Variants in SPAG16 observed in about 807,000 individuals in gnomAD.
SPAG16 encodes sperm-associated antigen 16 protein.
In SPAG16, 86 loss-of-function variants were observed where a neutral mutation model predicts 80.4. The ratio of observed to expected loss-of-function variants is 1.07; its 90% confidence interval spans 0.90 to 1.28. The LOEUF is 1.28. Ranked by LOEUF, SPAG16 falls within the 50% of genes most tolerant of loss-of-function variation. The pLI, the probability that SPAG16 is intolerant of heterozygous loss-of-function variation, is 0.00. For synonymous variants in SPAG16, 294 were observed against 265.9 expected (o/e 1.11, Z -1.03); for missense variants, 870 against 765.3 (o/e 1.14, Z -1.61).
At chr2:213,637,656 CTAGTT>C (rs2062417886) in intron 10 of SPAG16, among the ~76,000 whole-genome samples, 2 of 151,860 alleles carry the variant, frequency 1.3e-5, no homozygotes, top group African/African-American at 4.8e-5. Context: ...CTTTTTTTTC[CTAGTT>C]TAATCTAGGA....
intron 15 of SPAG16, among the ~76,000 whole-genome samples, chr2:214,406,071 C>T (rs1046918577): frequency 1.3e-4 from 20 of 152,136 alleles, no homozygotes; most frequent in Middle Eastern, 3.4e-3. Context: ...AAGCAACAAG[C>T]ACATATTAAG....
chr2:213,949,530 A>C (rs1055478911), intron 12 of SPAG16, among the ~76,000 whole-genome samples: 1 of 152,288 alleles, frequency 6.6e-6, no homozygotes, highest in Admixed American at 6.5e-5. Context: ...TAATGAATTA[A>C]AAACATTTTG....
At chr2:214,009,458 T>C (rs1260076852) in intron 12 of SPAG16, among the ~76,000 whole-genome samples, 2 of 152,220 alleles carry the variant, frequency 1.3e-5, no homozygotes, top group Non-Finnish European at 2.9e-5. Context: ...TTACTTTAGA[T>C]AATGTGTGTA....
intron 10 of SPAG16, among the ~76,000 whole-genome samples, chr2:213,780,666 T>G (rs960683997): frequency 4.0e-5 from 6 of 150,598 alleles, no homozygotes; most frequent in African/African-American, 1.5e-4. Context: ...AGGGAAAGCA[T>G]TTAGCTCTTT....
At chr2:214,153,814 G>A (rs1231142355) in intron 15 of SPAG16, among the ~76,000 whole-genome samples, 2 of 151,894 alleles carry the variant, frequency 1.3e-5, no homozygotes, top group East Asian at 3.9e-4. Flanking sequence ...AAACATATAG[G>A]AATCACCCCC....
At chr2:213,809,448 T>G (rs1298777008) in intron 10 of SPAG16, among the ~76,000 whole-genome samples, 1 of 152,200 alleles carries the variant, frequency 6.6e-6, no homozygotes, top group African/African-American at 2.4e-5. Flanking sequence ...CATTTTTAGA[T>G]ATTTCTGCTA....
chr2:213,329,106 T>C (rs1235316169), intron 5 of SPAG16, among the ~76,000 whole-genome samples: 1 of 152,156 alleles, frequency 6.6e-6, no homozygotes, highest in African/African-American at 2.4e-5. Flanking sequence ...ATTAAACCTC[T>C]TTTTCTTCCC....
chr2:214,051,617 T>A (rs1397355), intron 13 of SPAG16, among the ~76,000 whole-genome samples: 2 of 152,116 alleles, frequency 1.3e-5, no homozygotes, highest in African/African-American at 2.4e-5. Flanking sequence ...GCCTTTTCTA[T>A]TTATACTTAC....
At chr2:214,151,790 G>T (rs373533270) in intron 15 of SPAG16, among the ~76,000 whole-genome samples, 2 of 152,090 alleles carry the variant, frequency 1.3e-5, no homozygotes, top group Non-Finnish European at 2.9e-5. Context: ...TGCTGTCTCC[G>T]CTGTGCTCTT....
intron 6 of SPAG16, among the ~76,000 whole-genome samples, chr2:213,344,384 C>CTT (rs894934902): frequency 1.4e-5 from 2 of 147,684 alleles, no homozygotes; most frequent in East Asian, 4.0e-4. Flanking sequence ...GAGTTTTTTT[C>CTT]TTTTTTTTTT....
At chr2:214,167,841 C>T (rs1576399421) in intron 15 of SPAG16, among the ~76,000 whole-genome samples, 1 of 150,458 alleles carries the variant, frequency 6.6e-6, no homozygotes, top group African/African-American at 2.4e-5. Flanking sequence ...TGTACAGGGA[C>T]AGTAGAACAG....
chr2:213,671,785 G>A (rs937550216), intron 10 of SPAG16, among the ~76,000 whole-genome samples: 2 of 150,488 alleles, frequency 1.3e-5, no homozygotes, highest in Admixed American at 6.6e-5. Context: ...AGCAGGGCAC[G>A]TTCATTCAGA....
intron 11 of SPAG16, among the ~76,000 whole-genome samples, chr2:213,878,267 A>G (rs1323520195): frequency 6.6e-6 from 1 of 152,088 alleles, no homozygotes; most frequent in African/African-American, 2.4e-5. Context: ...TTGTTTTCCA[A>G]AGAGGTTGGA....
intron 13 of SPAG16, among the ~76,000 whole-genome samples, chr2:214,099,185 G>A (rs978427441): frequency 6.6e-6 from 1 of 152,090 alleles, no homozygotes; most frequent in South Asian, 2.1e-4. Flanking sequence ...AGCATGGATA[G>A]AGAACACTGA....
chr2:213,866,861 C>G (rs1392532884), intron 11 of SPAG16, among the ~76,000 whole-genome samples: 10 of 152,062 alleles, frequency 6.6e-5, no homozygotes, highest in African/African-American at 1.9e-4. Flanking sequence ...ATAATGACTA[C>G]TTTTTGTTGA....
At chr2:214,229,728 C>T (rs910056481) in intron 15 of SPAG16, among the ~76,000 whole-genome samples, 1 of 151,686 alleles carries the variant, frequency 6.6e-6, no homozygotes, top group African/African-American at 2.4e-5. Context: ...AAAAAGGTGA[C>T]TTGATGCCCC....
At chr2:214,271,054 G>C (rs1559170287) in intron 15 of SPAG16, among the ~76,000 whole-genome samples, 1 of 152,164 alleles carries the variant, frequency 6.6e-6, no homozygotes, top group Non-Finnish European at 1.5e-5. Context: ...GAAAAACTGT[G>C]ACTTTTGAGA....
intron 10 of SPAG16, among the ~76,000 whole-genome samples, chr2:213,705,296 G>GAGGA (rs955304218): frequency 4.0e-4 from 61 of 151,482 alleles, no homozygotes; most frequent in East Asian, 2.0e-3. Context: ...GGGAGGGAGG[G>GAGGA]AGGAAGGAAG....
At chr2:214,387,276 G>A (rs1033114864) in intron 15 of SPAG16, among the ~76,000 whole-genome samples, 24 of 151,994 alleles carry the variant, frequency 1.6e-4, no homozygotes, top group African/African-American at 5.3e-4. Flanking sequence ...AATATTCATT[G>A]AATTTCTGCT....
Sources: gnomAD v4.1 joint callset for allele counts (sites outside exome capture counted in the v4.1 genomes callset) on GRCh38, gnomAD v4.1.1 for gene constraint, MANE v1.5 for transcripts, NCBI Gene and HGNC (gene_info 2026-07-23, HGNC 2026-07-21) for gene names.